The following ANKAR variants were observed in gnomAD, a reference collection of about 807,000 sequenced individuals.
The protein encoded by ANKAR is ankyrin and armadillo repeat containing, also known as ankyrin and armadillo repeat-containing protein.
Under a neutral mutation model 146.2 loss-of-function variants are expected in ANKAR, and 136 were observed. The ratio of observed to expected loss-of-function variants is 0.93; its 90% CI spans 0.81 to 1.07. ANKAR has a LOEUF of 1.07. Ranked by LOEUF, ANKAR falls within the 50% of genes least tolerant of loss-of-function variation. ANKAR has a pLI of 0.00. For missense variants in ANKAR, 1,567 were observed against 1,679.9 expected, an observed-to-expected ratio of 0.93 and a Z score of 1.18; for synonymous variants, 500 against 575.8, an observed-to-expected ratio of 0.87 and a Z score of 1.88.
At chr2:189,749,047 C>G (rs1029833044), downstream of ANKAR, among the ~76,000 whole-genome samples, 1 of 151,964 alleles carries the variant, frequency 6.6e-6, no homozygotes, top group Non-Finnish European at 1.5e-5. Flanking sequence ...GAGTTCGAGA[C>G]CAGCCTAGCC....
intron 2 of ANKAR, among the ~76,000 whole-genome samples, chr2:189,680,872 G>A (rs752090568): frequency 6.6e-6 from 1 of 152,162 alleles, no homozygotes; most frequent in Non-Finnish European, 1.5e-5. Flanking sequence ...CTTGGAGAAT[G>A]TTAAGCCATT....
chr2:189,719,634 G>T lies in ANKAR; in HGVS notation c.2287G>T (p.Val763Phe). 6.2e-7 allele frequency: 1 copy of T among 1,613,972 alleles called. No homozygotes were observed. The highest frequency in any genetic ancestry group is 1.1e-5 in the South Asian group (1 of 91,068). ...CAAAATAAAACTGCAGTGCAAAACT[G>T]TTGGGTTATTGAGTAATATCTCAAC... Reference protein sequence around the residue: ...SSKIKLQCKTVGLLSNISTHK... With the variant: ...SSKIKLQCKTFGLLSNISTHK... The change falls in exon 11 of 23, where the codon GTT (valine) becomes TTT (phenylalanine). Residue 763 changes from valine to phenylalanine, a missense_variant. Coordinates refer to ENST00000684021, the MANE Select transcript of ANKAR (RefSeq NM_001378068.1).
chr2:189,696,017 AT>A (rs2037146820), intron 6 of ANKAR, 132 bp from the exon 7 acceptor site: 1 of 716,060 alleles, frequency 1.4e-6, no homozygotes. Context: ...CTTTCCATGC[AT>A]GGATCTTGTG....
Position 189,692,412 on chromosome 2 carries a change from T to C in ANKAR, c.1197T>C (p.Asp399=). The C allele has an allele frequency of 6.2e-7, 1 of 1,606,558 alleles. No homozygotes were observed. The highest frequency in any genetic ancestry group is 8.5e-7 in the Non-Finnish European group (1 of 1,177,670). The change falls in exon 4 of 23, where the codon GAT becomes GAC. Residue 399 remains aspartate, a synonymous_variant. Coordinates refer to ENST00000684021, the MANE Select transcript of ANKAR (RefSeq NM_001378068.1). ...STPSIENALE[D]FQKNLEKIRD... Reference sequence around the variant, plus strand: ...CTTCAATTGAGAATGCCTTGGAAGATTTTCAGGTTTAAATGATCATTCCTT... The same window carrying C: ...CTTCAATTGAGAATGCCTTGGAAGACTTTCAGGTTTAAATGATCATTCCTT...
chr2:189,683,230 T>C (rs889037510), intron 2 of ANKAR, among the ~76,000 whole-genome samples: 6 of 152,342 alleles, frequency 3.9e-5, no homozygotes, highest in African/African-American at 1.4e-4. Flanking sequence ...CTGTGCTTTT[T>C]TCTTACAGTA....
chr2:189,762,672 C>A, downstream of ANKAR: 1 of 985,368 alleles, frequency 1.0e-6, no homozygotes, highest in Non-Finnish European at 1.2e-6. Flanking sequence ...GAAGAGTGAG[C>A]AATTTCACCC....
At chr2:189,709,421 G>C (rs1234383694) in intron 9 of ANKAR, among the ~76,000 whole-genome samples, 2 of 152,138 alleles carry the variant, frequency 1.3e-5, no homozygotes, top group Non-Finnish European at 2.9e-5. Flanking sequence ...ATTGTATATG[G>C]AGTGATGAAC....
intron 7 of ANKAR, among the ~76,000 whole-genome samples, chr2:189,704,284 G>T (rs181948887): frequency 1.4e-3 from 209 of 151,252 alleles, no homozygotes; most frequent in South Asian, 6.3e-4. Context: ...TAGGACTACA[G>T]GCACGCACCA....
rs1402145589 is a variant in ANKAR, at chr2:189,727,972, G to C, written c.2752G>C (p.Gly918Arg). The C allele has an allele frequency of 1.2e-6, 2 of 1,613,856 alleles. No homozygotes were observed. The highest frequency in any genetic ancestry group is 1.7e-6 in the Non-Finnish European group (2 of 1,179,972). The part of the protein sequence containing the change: ...AIPPLVALFK[G>R]KQISVQMKGA... ...TCCTCCTCTGGTGGCTCTTTTTAAA[G>C]GGAAACAAATTAGTGTCCAAATGAA... Residue 918 changes from glycine (G) to arginine (R), a missense_variant, in exon 13 of 23, where the codon GGG becomes CGG. Physicochemically the swap from Gly to Arg is moderately radical, Grantham distance 125. Transcript: ENST00000684021.
intron 10 of ANKAR, among the ~76,000 whole-genome samples, chr2:189,718,690 C>A (rs1030153359): frequency 6.6e-6 from 1 of 151,404 alleles, no homozygotes; most frequent in Non-Finnish European, 1.5e-5. Context: ...TTCTATTTAT[C>A]ATTAAATTGA....
chr2:189,675,406 T>G (rs572660877), intron 1 of ANKAR, among the ~76,000 whole-genome samples: 8 of 152,234 alleles, frequency 5.3e-5, no homozygotes, highest in South Asian at 4.1e-4. Context: ...AACAGTGTTT[T>G]TCACACTTGT....
intron 6 of ANKAR, 75 bp from the exon 7 acceptor site, chr2:189,696,075 A>G: frequency 7.7e-7 from 1 of 1,294,094 alleles, no homozygotes. Context: ...CTGTTAATAC[A>G]CTTCATGTAT....
At chr2:189,744,018 C>G (rs887185005) in intron 21 of ANKAR, among the ~76,000 whole-genome samples, 5 of 152,192 alleles carry the variant, frequency 3.3e-5, no homozygotes, top group African/African-American at 1.2e-4. Context: ...AAGAGAATCT[C>G]TACTATGGGT....
At chr2:189,677,133 T>G (rs1363621455) in intron 2 of ANKAR, 42 bp downstream of exon 2, 1 of 1,318,598 alleles carries the variant, frequency 7.6e-7, no homozygotes, top group Non-Finnish European at 9.9e-7. Context: ...TTTTTTTTTT[T>G]TGGAACAGAG....
downstream of ANKAR, among the ~76,000 whole-genome samples, chr2:189,748,144 C>T (rs897903687): frequency 1.3e-5 from 2 of 152,178 alleles, no homozygotes; most frequent in Non-Finnish European, 2.9e-5. Flanking sequence ...GTACTTAGGG[C>T]TTTCTATGTG....
chr2:189,748,225 CAG>C (rs1238905295), downstream of ANKAR, among the ~76,000 whole-genome samples: 1 of 152,118 alleles, frequency 6.6e-6, no homozygotes, highest in Non-Finnish European at 1.5e-5. Context: ...CTGTTTAAGA[CAG>C]GGTCTTGCTC....
At chr2:189,739,140 G>A (rs182409533) in intron 19 of ANKAR, among the ~76,000 whole-genome samples, 23 of 152,262 alleles carry the variant, frequency 1.5e-4, no homozygotes, top group Non-Finnish European at 2.2e-4. Flanking sequence ...GTCCCATAGC[G>A]TTCTCAACAC....
At chr2:189,684,176 T>C (rs562175787) in intron 2 of ANKAR, among the ~76,000 whole-genome samples, 1 of 152,270 alleles carries the variant, frequency 6.6e-6, no homozygotes, top group Admixed American at 6.5e-5. Context: ...TGGGAACTTA[T>C]TTATTATCAC....
chr2:189,761,644 T>C (rs1479145726), downstream of ANKAR: 1 of 1,572,154 alleles, frequency 6.4e-7, no homozygotes, highest in Non-Finnish European at 8.6e-7. Flanking sequence ...TTAGCATACT[T>C]ACTCTATAGA....
Sources: gnomAD v4.1 joint callset for allele counts (sites outside exome capture counted in the v4.1 genomes callset) on GRCh38, gnomAD v4.1.1 for gene constraint, MANE v1.5 for transcripts, NCBI Gene and HGNC (gene_info 2026-07-23, HGNC 2026-07-21) for gene names.